ABCC5: variants seen among roughly 807,000 people sequenced by gnomAD.
The protein encoded by ABCC5 is ATP binding cassette subfamily C member 5, also known as ATP-binding cassette sub-family C member 5.
Under a neutral mutation model 160.9 loss-of-function variants are expected in ABCC5, and 61 were observed. That is an observed-to-expected ratio of 0.38 (90% CI 0.31 to 0.47). The LOEUF is 0.47. ABCC5 is among the 20% of genes least tolerant of loss of function. The pLI is 0.99. For synonymous variants in ABCC5, 666 were observed against 700.6 expected, an observed-to-expected ratio of 0.95 and a Z score of 0.78; for missense variants, 1,308 against 1,813.3, an observed-to-expected ratio of 0.72 and a Z score of 5.06.
chr3:183,953,267 T>A lies in ABCC5; in HGVS notation c.2486A>T (p.Gln829Leu). Reference sequence around the variant, plus strand: ...CCCTTTCTCTTCCAGCTGCACAAGCTGCCCTAGGTAAGAAAAAAAGAAACA... The same window carrying A: ...CCCTTTCTCTTCCAGCTGCACAAGCAGCCCTAGGTAAGAAAAAAAGAAACA... ...KEKAVKPEEG[Q>L]LVQLEEKGQG... is the part of the protein sequence containing the mutation. Residue 829 changes from glutamine to leucine, a missense_variant, in exon 18 of 30, where the codon CAG becomes CTG. Physicochemically the swap from Gln to Leu is moderately radical, Grantham distance 113. Transcript: ENST00000334444. 1 of 1,594,856 alleles carries A rather than the reference T, an allele frequency of 6.3e-7. No individual in the cohort carries two copies. The highest frequency in any genetic ancestry group is 8.5e-7 in the Non-Finnish European group (1 of 1,172,336).
At chr3:183,933,820 C>G (rs1713414179) in intron 26 of ABCC5, among the ~76,000 whole-genome samples, 1 of 152,182 alleles carries the variant, frequency 6.6e-6, no homozygotes, top group South Asian at 2.1e-4. Context: ...TGCTTTTCCT[C>G]TAAGAATTCC....
intron 5 of ABCC5, chr3:183,984,982 G>A (rs954072490): frequency 7.0e-6 from 8 of 1,148,386 alleles, no homozygotes; most frequent in Admixed American, 4.1e-5. Context: ...TAGCATCAGC[G>A]CCTCCCAGAT....
chr3:183,980,520 G>A (rs1718619079), intron 8 of ABCC5, among the ~76,000 whole-genome samples: 1 of 152,170 alleles, frequency 6.6e-6, no homozygotes, highest in Non-Finnish European at 1.5e-5. Flanking sequence ...TTCCACTCTA[G>A]TAGAAACAAA....
Position 183,971,085 on chromosome 3 carries a change from T to C in ABCC5, c.1761+478A>G, listed in dbSNP as rs186069682. 2.0e-5 allele frequency among the ~76,000 whole-genome samples: 3 copies of C among 152,322 alleles called. No individual in the cohort carries two copies. In the East Asian group the frequency reaches 5.8e-4, roughly 29 times the overall value. On this transcript the variant is annotated intron_variant, in intron 11 of 29. Coordinates refer to ENST00000334444, the MANE Select transcript of ABCC5 (RefSeq NM_005688.4). ...AGGAGGCCCTCTGAGACTAATCTTG[T>C]GCTACCTGGGCTGTGACATCATCTA...
In ABCC5 at chr3:183,987,976, C is replaced by G; in HGVS notation, c.444-59G>C. 1 of 1,577,964 alleles carries G rather than the reference C, an allele frequency of 6.3e-7. No individual in the cohort carries two copies. The highest frequency in any genetic ancestry group is 8.6e-7 in the Non-Finnish European group (1 of 1,160,380). The stretch of plus-strand genomic sequence containing the variant: ...CCTCGGGGGAAAGGCACACCTAGCT[C>G]CCCGCCTGCCACCACTTTTTGTCTC... On this transcript the variant is annotated intron_variant, in intron 4 of 29. Coordinates refer to ENST00000334444, the MANE Select transcript of ABCC5 (RefSeq NM_005688.4). The surrounding 1 kb of genome is among the most constrained non-coding windows in gnomAD (Gnocchi z 4.2).
chr3:183,942,161 T>C (rs1395014863), intron 25 of ABCC5, among the ~76,000 whole-genome samples: 1 of 151,936 alleles, frequency 6.6e-6, no homozygotes, highest in Non-Finnish European at 1.5e-5. Flanking sequence ...TGCCTCAGCC[T>C]CCCAAGTAGC....
chr3:183,994,137 A>G (rs1720037137), intron 2 of ABCC5, among the ~76,000 whole-genome samples: 1 of 151,246 alleles, frequency 6.6e-6, no homozygotes, highest in African/African-American at 2.4e-5. Context: ...TAATTTTTGT[A>G]TTTTTAGTAG....
At chr3:183,994,697 T>C (rs1720105064) in intron 2 of ABCC5, among the ~76,000 whole-genome samples, 1 of 152,162 alleles carries the variant, frequency 6.6e-6, no homozygotes, top group Non-Finnish European at 1.5e-5. Flanking sequence ...TATTTTATTT[T>C]AGCCATTCTA....
At chr3:183,945,334 T>C (rs1407071771) in intron 24 of ABCC5, among the ~76,000 whole-genome samples, 1 of 152,164 alleles carries the variant, frequency 6.6e-6, no homozygotes, top group Non-Finnish European at 1.5e-5. Context: ...CTGGATACTC[T>C]GGTATCAATT....
rs1458694337 is a variant in ABCC5 at position 183,971,750 on chromosome 3, C to T, written c.1574G>A (p.Gly525Asp). Residue 525 changes from glycine to aspartate, a missense_variant, in exon 11 of 30, where the codon GGC (glycine) becomes GAC (aspartate). Gly to Asp is a moderately conservative substitution (Grantham distance 94). Coordinates refer to ENST00000334444, the MANE Select transcript of ABCC5 (RefSeq NM_005688.4). ...KMKKDKRASR[G>D]KKEKVRQLQR... is the part of the protein sequence containing the mutation. Reference sequence around the variant, plus strand: ...CAGCTGCCTCACCTTCTCTTTCTTGCCCCTGGAAGCCCTCTTGTCTTTTTT... The same window carrying T: ...CAGCTGCCTCACCTTCTCTTTCTTGTCCCTGGAAGCCCTCTTGTCTTTTTT... The T allele has an allele frequency of 1.9e-6, 3 of 1,614,214 alleles. No homozygotes were observed. In the East Asian group the frequency reaches 6.7e-5, roughly 36 times the overall value.
chr3:183,924,010 C>CATTTTTTTTTTTTT, intron 29 of ABCC5, among the ~76,000 whole-genome samples: 1 of 112,800 alleles, frequency 8.9e-6, no homozygotes, highest in Middle Eastern at 4.6e-3. Flanking sequence ...TTACTGTTTG[C>CATTTTTTTTTTTTT]TTTTTTTTTT....
intron 16 of ABCC5, among the ~76,000 whole-genome samples, chr3:183,960,298 C>G (rs1716602722): frequency 6.6e-6 from 1 of 152,190 alleles, no homozygotes; most frequent in African/African-American, 2.4e-5. Context: ...CACTGGTGTC[C>G]ACAGCCCCTA....
At chr3:183,965,163 G>T in intron 14 of ABCC5, 22 bp downstream of exon 14, 1 of 1,613,146 alleles carries the variant, frequency 6.2e-7, no homozygotes, top group Non-Finnish European at 8.5e-7. Context: ...TAAATGCCTG[G>T]TCAGGGGCGG....
intron 28 of ABCC5, among the ~76,000 whole-genome samples, chr3:183,926,578 C>T (rs963848501): frequency 6.6e-6 from 1 of 151,898 alleles, no homozygotes; most frequent in Non-Finnish European, 1.5e-5. Context: ...AACAAAACCA[C>T]GGATTTAATC....
At chr3:183,929,211 T>C (rs1712927040) in intron 26 of ABCC5, among the ~76,000 whole-genome samples, 1 of 152,036 alleles carries the variant, frequency 6.6e-6, no homozygotes, top group South Asian at 2.1e-4. Context: ...GGCGGGTGGA[T>C]TACTTGAGGT....
chr3:183,940,545 A>G (rs942522596), intron 25 of ABCC5, among the ~76,000 whole-genome samples: 7 of 147,380 alleles, frequency 4.7e-5, no homozygotes, highest in Non-Finnish European at 1.0e-4. Context: ...CCCAGATAGG[A>G]GGGGAGGAGA....
In ABCC5 at chr3:183,950,589, C is replaced by A. The variant is rs556571380; in HGVS notation, c.2945-464G>T. The stretch of plus-strand genomic sequence containing the variant: ...TCATCTCTTTTTGGCTGTCTCCCCA[C>A]CCCACCGCCTTTTTTCTTCTGGTTA... On this transcript the variant is annotated intron_variant, in intron 20 of 29. Coordinates refer to ENST00000334444, the MANE Select transcript of ABCC5 (RefSeq NM_005688.4). Among the ~76,000 whole-genome samples, 5 of 152,320 alleles carry A rather than the reference C, an allele frequency of 3.3e-5. 1 individual carries two copies. The East Asian group carries it at 7.7e-4, about 23-fold the overall frequency.
rs570285346 is a variant in ABCC5 at position 183,960,816 on chromosome 3, C to T, written c.2379+695G>A. On this transcript the variant is annotated intron_variant, in intron 16 of 29. Transcript: ENST00000334444. Reference sequence around the variant, plus strand: ...TTTTTTTTTTCTTGAGATGGAATCACGCTCTGTCACCCAGGTTGGAGTGCA... The same window carrying T: ...TTTTTTTTTTCTTGAGATGGAATCATGCTCTGTCACCCAGGTTGGAGTGCA... Among the ~76,000 whole-genome samples, 91 of 151,632 alleles carry T rather than the reference C, an allele frequency of 6.0e-4. No individual in the cohort carries two copies. The Middle Eastern group carries it at 0.017, about 28-fold the overall frequency.
intron 2 of ABCC5, among the ~76,000 whole-genome samples, chr3:184,011,685 G>C (rs1447360294): frequency 6.6e-6 from 1 of 152,042 alleles, no homozygotes; most frequent in African/African-American, 2.4e-5. Context: ...AGAAGCTATG[G>C]TACATCTATA....
Sources: gnomAD v4.1 joint callset for allele counts (sites outside exome capture counted in the v4.1 genomes callset) on GRCh38, gnomAD v4.1.1 for gene constraint, Gnocchi (gnomAD v3.1) non-coding constraint, MANE v1.5 for transcripts, NCBI Gene and HGNC (gene_info 2026-07-23, HGNC 2026-07-21) for gene names.